The following C12orf57 variants were observed in gnomAD, a reference collection of about 807,000 sequenced individuals.
C12orf57 encodes protein C10.
C12orf57 carries 14 observed loss-of-function variants against 11.3 expected under a neutral mutation model. That is an observed-to-expected ratio of 1.24 (90% CI 0.82 to 1.94). The LOEUF (loss-of-function observed/expected upper bound fraction) is 1.94, where lower values mean the gene tolerates loss of function less well. C12orf57 is among the 30% of genes most tolerant of loss of function. The pLI is 0.00. For synonymous variants in C12orf57, 100 were observed against 74.6 expected, an observed-to-expected ratio of 1.34 and a Z score of -1.76; for missense variants, 229 against 172.4, an observed-to-expected ratio of 1.33 and a Z score of -1.84.
In C12orf57 at chr12:6,944,144, C is replaced by A; in HGVS notation, c.23C>A (p.Pro8Gln). The A allele has an allele frequency of 6.2e-7, 1 of 1,614,234 alleles. No individual in the cohort carries two copies. Among genetic ancestry groups the A allele is most frequent in the Non-Finnish European group, 8.5e-7 (1 of 1,180,038 alleles). The stretch of plus-strand genomic sequence containing the variant: ...CCTATGGCGTCCGCCTCGACCCAAC[C>A]GGCGGCCTTGAGCGCTGAGCAAGCA... MASASTQ[P>Q]AALSAEQAKV... is the part of the protein sequence containing the mutation. Residue 8 changes from proline (P) to glutamine (Q), a missense_variant, in exon 1 of 3, where the codon CCG becomes CAG. Pro to Gln is a moderately conservative substitution (Grantham distance 76, BLOSUM62 -1). Transcript: ENST00000229281.
upstream of C12orf57, chr12:6,943,674 AG>A (rs1555145359): frequency 7.8e-7 from 1 of 1,283,552 alleles, no homozygotes; most frequent in Admixed American, 2.4e-5. Context: ...TAAGTTCCTT[AG>A]AATATTATTT....
chr12:6,943,570 C>T, upstream of C12orf57: 1 of 1,289,646 alleles, frequency 7.8e-7, no homozygotes, highest in African/African-American at 1.5e-5. Context: ...AACGAAGGGG[C>T]TGTGACTGGC....
At chr12:6,943,850 G>A (rs1055698058), upstream of C12orf57, 45 of 896,030 alleles carry the variant, frequency 5.0e-5, 1 homozygote, top group East Asian at 1.6e-4. Flanking sequence ...TGTCTAGTAG[G>A]CTTTCTGGCT....
At chr12:6,943,901 A>G (rs186459407), upstream of C12orf57, 134 of 1,120,926 alleles carry the variant, frequency 1.2e-4, 1 homozygote, top group Admixed American at 8.4e-4. Flanking sequence ...GTTGCCAATG[A>G]TAGATTGTTT....
rs782686405 is a variant in C12orf57, at chr12:6,945,762, C to G, written c.230-9C>G. On this transcript the variant is annotated splice_polypyrimidine_tract_variant and intron_variant, in intron 2 of 2. Transcript: ENST00000229281. ...AGGAGAAGGGTTGACCTTCCACTCC[C>G]TCTTGCAGGTGTCCTTAAGTTTGCT... 6.2e-6 allele frequency: 10 copies of G among 1,613,272 alleles called. No homozygotes were observed. The highest frequency in any genetic ancestry group is 7.6e-6 in the Non-Finnish European group (9 of 1,179,704).
chr12:6,944,096 G>T lies in C12orf57; in HGVS notation c.-26G>T, dbSNP rs373179163. On this transcript the variant is annotated 5_prime_UTR_variant, in exon 1 of 3. Coordinates refer to ENST00000229281, the MANE Select transcript of C12orf57 (RefSeq NM_138425.4). ...ATTCGTGAGTTTTCCATTTACCTCC[G>T]CTGAACCTAGAGCTTCAGACGCCCT... 1.2e-6 allele frequency: 2 copies of T among 1,614,118 alleles called. No individual in the cohort carries two copies. Among genetic ancestry groups the T allele is most frequent in the Non-Finnish European group, 1.7e-6 (2 of 1,180,018 alleles).
In C12orf57 at chr12:6,944,940, C is replaced by T. The variant is rs1045876532; in HGVS notation, c.229+288C>T. ...GGAATATTTACATATACATGGATAT[C>T]TTGGGGGATGGGACCTAAATCTGAA... On this transcript the variant is annotated intron_variant, in intron 2 of 2. Transcript: ENST00000229281. 24 of 1,202,380 alleles carry T rather than the reference C, an allele frequency of 2.0e-5. No homozygotes were observed. The East Asian group carries it at 4.6e-4, about 23-fold the overall frequency. 74.5% of individuals were successfully genotyped at this position (1,202,380 alleles called of 1,614,324 possible).
chr12:6,943,917 G>A (rs140571456), upstream of C12orf57: 673 of 1,257,078 alleles, frequency 5.4e-4, 1 homozygote, highest in African/African-American at 2.3e-3. Context: ...TGTTTTCACT[G>A]TGCAAAAATT....
upstream of C12orf57, chr12:6,943,928 A>T (rs77181224): frequency 1.7e-5 from 23 of 1,325,902 alleles, no homozygotes; most frequent in Non-Finnish European, 2.2e-5. Context: ...TGCAAAAATT[A>T]TGGGTAGTTT....
intron 2 of C12orf57, 72 bp downstream of exon 2, chr12:6,944,724 G>GT: frequency 6.3e-7 from 1 of 1,595,274 alleles, no homozygotes; most frequent in Admixed American, 1.7e-5. Flanking sequence ...CGCCGGATCT[G>GT]TGGGCCCATG....
upstream of C12orf57, chr12:6,943,542 G>A: frequency 7.8e-7 from 1 of 1,288,340 alleles, no homozygotes; most frequent in Non-Finnish European, 1.0e-6. Flanking sequence ...CCGAATCCAG[G>A]TCTCCGGGCT....
rs747313284 is a variant in C12orf57 at position 6,944,133 on chromosome 12, C to G, written c.12C>G (p.Ala4=). 51 of 1,614,254 alleles carry G rather than the reference C, an allele frequency of 3.2e-5. No homozygotes were observed. The highest frequency in any genetic ancestry group is 1.3e-4 in the African/African-American group (10 of 75,074). Residue 4 remains alanine, a synonymous_variant, in exon 1 of 3, where the codon GCC becomes GCG. Transcript: ENST00000229281. ...GCTTCAGACGCCCTATGGCGTCCGC[C>G]TCGACCCAACCGGCGGCCTTGAGCG... The part of the protein sequence containing the change: MAS[A]STQPAALSAE...
chr12:6,945,613 A>AG (rs1945784177), intron 2 of C12orf57, among the ~76,000 whole-genome samples, 158 bp from the exon 3 acceptor site: 1 of 152,130 alleles, frequency 6.6e-6, no homozygotes, highest in Non-Finnish European at 1.5e-5. Flanking sequence ...AAATGTCATC[A>AG]TCCAAACCAC....
In C12orf57 at chr12:6,944,875, A is replaced by G. The variant is rs1945760833; in HGVS notation, c.229+223A>G. 5.0e-6 allele frequency: 7 copies of G among 1,408,446 alleles called. No homozygotes were observed. In the South Asian group the frequency reaches 6.6e-5, roughly 13 times the overall value. The allele number at this position is 1,408,446 out of a possible 1,614,324, so 87.2% of individuals were successfully genotyped here. ...AGAGGTTCTGTATCCCTTACCCGAA[A>G]TGGTTGGGACCGGAAGTGTTTCGGG... is the stretch of plus-strand genomic sequence containing the variant. On this transcript the variant is annotated intron_variant, in intron 2 of 2. Transcript: ENST00000229281.
chr12:6,944,094 C>A lies in C12orf57; in HGVS notation c.-28C>A. The A allele has an allele frequency of 6.2e-7, 1 of 1,614,140 alleles. No individual in the cohort carries two copies. Among genetic ancestry groups the A allele is most frequent in the Non-Finnish European group, 8.5e-7 (1 of 1,179,998 alleles). ...TTATTCGTGAGTTTTCCATTTACCT[C>A]CGCTGAACCTAGAGCTTCAGACGCC... On this transcript the variant is annotated 5_prime_UTR_variant, in exon 1 of 3. Transcript: ENST00000229281.
At position 6,945,798 on chromosome 12, in the gene C12orf57, A is replaced by G. The variant is rs139068225; in HGVS notation, c.257A>G (p.Lys86Arg). ...EGVLKFARLV[K>R]SYEAQDPEIA... Reference sequence around the variant, plus strand: ...GTCCTTAAGTTTGCTCGCTTGGTCAAGTCCTACGAAGCCCAGGATCCTGAG... The same window carrying G: ...GTCCTTAAGTTTGCTCGCTTGGTCAGGTCCTACGAAGCCCAGGATCCTGAG... Residue 86 changes from lysine to arginine, a missense_variant, in exon 3 of 3, where the codon AAG (lysine) becomes AGG (arginine). By Grantham distance (26) the Lys-to-Arg change is conservative. Coordinates refer to ENST00000229281, the MANE Select transcript of C12orf57 (RefSeq NM_138425.4). The G allele has an allele frequency of 1.1e-3, 1,721 of 1,613,780 alleles. 2 individuals are homozygous for G. Among genetic ancestry groups the G allele is most frequent in the Middle Eastern group, 1.3e-3 (8 of 6,060 alleles).
rs185601401 is a variant in C12orf57, at chr12:6,944,094, C to T, written c.-28C>T. On this transcript the variant is annotated 5_prime_UTR_variant, in exon 1 of 3. Transcript: ENST00000229281. Reference sequence around the variant, plus strand: ...TTATTCGTGAGTTTTCCATTTACCTCCGCTGAACCTAGAGCTTCAGACGCC... The same window carrying T: ...TTATTCGTGAGTTTTCCATTTACCTTCGCTGAACCTAGAGCTTCAGACGCC... 4.2e-4 allele frequency: 680 copies of T among 1,614,140 alleles called. 5 individuals are homozygous for T. The East Asian group carries it at 7.8e-3, about 19-fold the overall frequency.
chr12:6,945,931 C>G lies in C12orf57; in HGVS notation c.*9C>G. 1 of 1,608,480 alleles carries G rather than the reference C, an allele frequency of 6.2e-7. No homozygotes were observed. The highest frequency in any genetic ancestry group is 8.5e-7 in the Non-Finnish European group (1 of 1,179,114). The stretch of plus-strand genomic sequence containing the variant: ...GCGTGGCCGCCTCCTGAGAGTTGGC[C>G]CTCCCTTGTGCCACTGCCAGGGGAG... On this transcript the variant is annotated 3_prime_UTR_variant, in exon 3 of 3. Coordinates refer to ENST00000229281, the MANE Select transcript of C12orf57 (RefSeq NM_138425.4).
At chr12:6,943,881 TATG>T (rs1309732743), upstream of C12orf57, 18 of 1,011,642 alleles carry the variant, frequency 1.8e-5, no homozygotes, top group African/African-American at 4.9e-5. Flanking sequence ...AAGCCCCTCT[TATG>T]ATGTTTGTTG....
Sources: gnomAD v4.1 joint callset for allele counts (sites outside exome capture counted in the v4.1 genomes callset) on GRCh38, gnomAD v4.1.1 for gene constraint, MANE v1.5 for transcripts, NCBI Gene and HGNC (gene_info 2026-07-23, HGNC 2026-07-21) for gene names.